Variants in COL6A1 observed in about 807,000 individuals in gnomAD.
COL6A1 encodes collagen alpha-1(VI) chain.
In COL6A1, 80 loss-of-function variants were observed where a neutral mutation model predicts 145.6. The ratio of observed to expected loss-of-function variants is 0.55; its 90% CI spans 0.46 to 0.66. The LOEUF is 0.66. Ranked by LOEUF, COL6A1 falls within the 30% of genes least tolerant of loss-of-function variation. The pLI is 0.00. For missense variants in COL6A1, 1,364 were observed against 1,473.8 expected (o/e 0.93, Z 1.22); for synonymous variants, 638 against 622.8 (o/e 1.02, Z -0.36).
chr21:45,999,899 GGA>G (rs1320997118), intron 27 of COL6A1, among the ~76,000 whole-genome samples: 17 of 139,796 alleles, frequency 1.2e-4, no homozygotes, highest in South Asian at 2.5e-4. Context: ...ACCATAGAGG[GGA>G]CATGTGAGGA....
chr21:45,999,648 C>G lies in COL6A1; in HGVS notation c.1741-9C>G. The G allele has an allele frequency of 6.2e-7, 1 of 1,613,426 alleles. No homozygotes were observed. Among genetic ancestry groups the G allele is most frequent in the Non-Finnish European group, 8.5e-7 (1 of 1,179,922 alleles). ...CCCTCAGAGCTCCTCTACTCCGTTTCTCGGACAGGGACCCCCAGGACACCA... is the reference window on the plus strand; with the variant it reads ...CCCTCAGAGCTCCTCTACTCCGTTTGTCGGACAGGGACCCCCAGGACACCA... On this transcript the variant is annotated splice_polypyrimidine_tract_variant and intron_variant, in intron 26 of 34. Transcript: ENST00000361866.
chr21:45,997,724 G>A lies in COL6A1; in HGVS notation c.1486G>A (p.Ala496Thr), dbSNP rs2077814020. The A allele has an allele frequency of 1.9e-6, 3 of 1,595,718 alleles. No individual in the cohort carries two copies. The highest frequency in any genetic ancestry group is 2.6e-6 in the Non-Finnish European group (3 of 1,171,268). The change falls in exon 22 of 35, where the codon GCC becomes ACC. Residue 496 changes from alanine to threonine, a missense_variant. Around this residue, in one of 3 missense-constraint regions of COL6A1, gnomAD observed 938 missense variants for 1,003.8 expected, o/e 0.93. Transcript: ENST00000361866. Reference sequence around the variant, plus strand: ...GGGTGCCAGAGGAGCCCCAGGACCTGCCGGACCCCCTGGAGACCCGGGGCT... The same window carrying A: ...GGGTGCCAGAGGAGCCCCAGGACCTACCGGACCCCCTGGAGACCCGGGGCT... Reference protein sequence around the residue: ...SEGARGAPGPAGPPGDPGLMG... With the variant: ...SEGARGAPGPTGPPGDPGLMG...
Position 46,004,213 on chromosome 21 carries a change from C to A in COL6A1, c.*200C>A. The A allele has an allele frequency of 1.4e-6, 1 of 695,030 alleles. No individual in the cohort carries two copies. Among genetic ancestry groups the A allele is most frequent in the Non-Finnish European group, 2.4e-6 (1 of 419,784 alleles). The allele number at this position is 695,030 out of a possible 1,614,324, so 43.1% of individuals were successfully genotyped here. A position where few individuals can be genotyped will look rare whatever the true frequency, so the allele number is the denominator to read the frequency against. On this transcript the variant is annotated 3_prime_UTR_variant, in exon 35 of 35. Coordinates refer to ENST00000361866, the MANE Select transcript of COL6A1 (RefSeq NM_001848.3). Reference sequence around the variant, plus strand: ...GGGGCTCAGCCCTGAGTTGGCATCACCTGCGCAGGGCCCTCTGGGGCTCAG... The same window carrying A: ...GGGGCTCAGCCCTGAGTTGGCATCAACTGCGCAGGGCCCTCTGGGGCTCAG...
intron 28 of COL6A1, among the ~76,000 whole-genome samples, 190 bp from the exon 29 acceptor site, chr21:46,000,569 G>T (rs569376475): frequency 1.3e-5 from 2 of 152,144 alleles, no homozygotes; most frequent in Non-Finnish European, 2.9e-5. Context: ...TCCCCGGTGC[G>T]GTGCAGAGCT....
chr21:45,987,437 T>C, intron 6 of COL6A1, 62 bp from the exon 7 acceptor site: 1 of 1,609,962 alleles, frequency 6.2e-7, no homozygotes, highest in Admixed American at 1.7e-5. Context: ...CATGTCACCC[T>C]GTGTCCCAGC....
Position 45,990,814 on chromosome 21 carries a change from G to T in COL6A1, c.1044G>T (p.Ser348=), listed in dbSNP as rs749001111. Residue 348 remains serine (S), a synonymous_variant, in exon 14 of 35, where the codon TCG becomes TCT. Transcript: ENST00000361866. ...GYPGLPGCKG[S]PGFDGIQGPP... Reference sequence around the variant, plus strand: ...CAGGCCTGCCAGGCTGCAAGGGCTCGCCCGGGTTTGACGTAAGTCACTTCC... The same window carrying T: ...CAGGCCTGCCAGGCTGCAAGGGCTCTCCCGGGTTTGACGTAAGTCACTTCC... The T allele has an allele frequency of 7.4e-6, 12 of 1,613,420 alleles. No individual in the cohort carries two copies. The highest frequency in any genetic ancestry group is 2.2e-5 in the East Asian group (1 of 44,864).
In COL6A1 at chr21:45,992,350, C is replaced by T. The variant is rs779148294; in HGVS notation, c.1237-13C>T. 6.2e-7 allele frequency: 1 copy of T among 1,613,680 alleles called. No individual in the cohort carries two copies. Among genetic ancestry groups the T allele is most frequent in the African/African-American group, 1.3e-5 (1 of 74,926 alleles). On this transcript the variant is annotated splice_polypyrimidine_tract_variant and intron_variant, in intron 17 of 34. Coordinates refer to ENST00000361866, the MANE Select transcript of COL6A1 (RefSeq NM_001848.3). The stretch of plus-strand genomic sequence containing the variant: ...ACCAGACTAACGCCGGCGTCTGTTT[C>T]TCTTCATCCCAGGGGAACCCAGGAC...
chr21:45,992,863 G>A, intron 19 of COL6A1, 53 bp downstream of exon 19: 3 of 1,514,390 alleles, frequency 2.0e-6, no homozygotes, highest in Non-Finnish European at 2.7e-6. Context: ...GCAGGCGGAG[G>A]CTGGGGCTGG....
At chr21:45,996,417 G>A (rs753253337) in intron 20 of COL6A1, among the ~76,000 whole-genome samples, 1 of 152,240 alleles carries the variant, frequency 6.6e-6, no homozygotes, top group Non-Finnish European at 1.5e-5. Flanking sequence ...AGTCGGGGTA[G>A]AGAGAGCAAT....
Position 45,994,104 on chromosome 21 carries a change from G to T in COL6A1, c.1336-63G>T, listed in dbSNP as rs574911892. The T allele has an allele frequency of 1.1e-5, 16 of 1,507,608 alleles. No individual in the cohort carries two copies. The African/African-American group carries it at 1.8e-4, about 17-fold the overall frequency. 93.4% of individuals were successfully genotyped at this position (1,507,608 alleles called of 1,614,324 possible). A position where few individuals can be genotyped will look rare whatever the true frequency, so the allele number is the denominator to read the frequency against. On this transcript the variant is annotated intron_variant, in intron 19 of 34. Coordinates refer to ENST00000361866, the MANE Select transcript of COL6A1 (RefSeq NM_001848.3). This position sits in a 1 kb window ranked among gnomAD's most constrained non-coding sequence, Gnocchi z 6.8. The stretch of plus-strand genomic sequence containing the variant: ...GACAGCATGCTGTGGCTCCCAGCGT[G>T]CCCGGGCAGCCATCCTCCCCAAGGA...
chr21:45,982,991 G>A (rs1299876783), intron 2 of COL6A1, among the ~76,000 whole-genome samples: 2 of 148,938 alleles, frequency 1.3e-5, no homozygotes, highest in African/African-American at 5.2e-5. Context: ...AGAGTGAGCT[G>A]GTTTGAGACC....
chr21:45,999,233 C>A lies in COL6A1; in HGVS notation c.1740+15C>A. The A allele has an allele frequency of 6.3e-7, 1 of 1,584,434 alleles. No individual in the cohort carries two copies. Among genetic ancestry groups the A allele is most frequent in the African/African-American group, 1.3e-5 (1 of 74,720 alleles). On this transcript the variant is annotated intron_variant, in intron 26 of 34. Coordinates refer to ENST00000361866, the MANE Select transcript of COL6A1 (RefSeq NM_001848.3). Reference sequence around the variant, plus strand: ...AGGGCCCCCAGGTGGGTGGATGTGGCTGGGTGAGGCCACGGTGGGCTGTGC... The same window carrying A: ...AGGGCCCCCAGGTGGGTGGATGTGGATGGGTGAGGCCACGGTGGGCTGTGC...
At chr21:45,990,020 C>T (rs370657858) in intron 11 of COL6A1, among the ~76,000 whole-genome samples, 3 of 11,330 alleles carry the variant, frequency 2.6e-4, no homozygotes, top group African/African-American at 5.8e-4. Flanking sequence ...GGCGGTTACC[C>T]TCTGCGGAGC....
Position 45,987,591 on chromosome 21 carries a change from C to T in COL6A1, c.760-19C>T, listed in dbSNP as rs376511187. 7.1e-5 allele frequency: 114 copies of T among 1,612,508 alleles called. No homozygotes were observed. Among genetic ancestry groups the T allele is most frequent in the Middle Eastern group, 1.7e-4 (1 of 6,058 alleles). ...ACCTGAGTCTGGGGTCCTGGCTGAC[C>T]GTCCCCTCTGCCTTGCAGCCTGCAA... is the stretch of plus-strand genomic sequence containing the variant. On this transcript the variant is annotated intron_variant, in intron 7 of 34. Transcript: ENST00000361866.
At position 45,998,383 on chromosome 21, in the gene COL6A1, G is replaced by A. The variant is rs1440733190; in HGVS notation, c.1576-15G>A. The A allele has an allele frequency of 6.2e-7, 1 of 1,613,148 alleles. No individual in the cohort carries two copies. Among genetic ancestry groups the A allele is most frequent in the African/African-American group, 1.3e-5 (1 of 74,936 alleles). On this transcript the variant is annotated splice_polypyrimidine_tract_variant and intron_variant, in intron 23 of 34. Coordinates refer to ENST00000361866, the MANE Select transcript of COL6A1 (RefSeq NM_001848.3). ...AATCAGAACCCGGTATCACTGCCCT[G>A]CTTTTCCATGACAGGGGTATCCGGG...
At chr21:45,997,645 C>T (rs2077813319) in intron 21 of COL6A1, 55 bp from the exon 22 acceptor site, 2 of 1,562,602 alleles carry the variant, frequency 1.3e-6, no homozygotes, top group African/African-American at 2.7e-5. Flanking sequence ...GCCCTGCTTC[C>T]CTCCAAGGTC....
In COL6A1 at chr21:46,002,620, G is replaced by A; in HGVS notation, c.2344G>A (p.Gly782Ser). ...ISCQGLAPSQ[G>S]RPGLSLVKEN... The stretch of plus-strand genomic sequence containing the variant: ...TTGCCAAGGCCTGGCACCATCCCAG[G>A]GCCGGCCCGGCCTCTCGCTGGTCAA... The change falls in exon 33 of 35, where the codon GGC (glycine) becomes AGC (serine). Residue 782 changes from glycine to serine, a missense_variant. Gly to Ser is a moderately conservative substitution (Grantham distance 56, BLOSUM62 0). Transcript: ENST00000361866. 1 of 1,614,078 alleles carries A rather than the reference G, an allele frequency of 6.2e-7. No homozygotes were observed. Among genetic ancestry groups the A allele is most frequent in the African/African-American group, 1.3e-5 (1 of 75,066 alleles).
chr21:45,997,358 G>T, intron 20 of COL6A1, 63 bp from the exon 21 acceptor site: 1 of 1,506,566 alleles, frequency 6.6e-7, no homozygotes, highest in Admixed American at 1.7e-5. Flanking sequence ...TCAGCTTAGG[G>T]TCAGGGAGGG....
At chr21:45,989,181 C>T (rs766133015) in intron 9 of COL6A1, 44 bp downstream of exon 9, 6 of 1,562,472 alleles carry the variant, frequency 3.8e-6, no homozygotes, top group East Asian at 2.3e-5. Flanking sequence ...AAGCTGGAGG[C>T]GGGGAACGAC....
Sources: allele counts gnomAD v4.1 joint callset (sites outside exome capture counted in the v4.1 genomes callset), GRCh38; gene constraint gnomAD v4.1.1; regional missense constraint gnomAD v4.1.1; non-coding constraint Gnocchi (gnomAD v3.1); transcripts MANE v1.5; gene names NCBI Gene and HGNC (gene_info 2026-07-23, HGNC 2026-07-21).